Variants in ALG5 observed in about 807,000 individuals in gnomAD.
The protein encoded by ALG5 is dolichyl-phosphate beta-glucosyltransferase.
A neutral mutation model predicts 51.8 loss-of-function variants in ALG5; 26 were observed. The ratio of observed to expected loss-of-function variants is 0.50; its 90% CI spans 0.37 to 0.70. The LOEUF (loss-of-function observed/expected upper bound fraction) is 0.70, where lower values mean the gene tolerates loss of function less well. ALG5 is among the 30% of genes least tolerant of loss of function. ALG5 has a pLI of 0.00. For synonymous variants in ALG5, 141 were observed against 136.1 expected (o/e 1.04, Z -0.25); for missense variants, 311 against 399.3 (o/e 0.78, Z 1.88).
intron 8 of ALG5, among the ~76,000 whole-genome samples, chr13:36,962,865 A>T (rs1230726124): frequency 6.6e-6 from 1 of 152,186 alleles, no homozygotes; most frequent in Non-Finnish European, 1.5e-5. Context: ...AAAATAATGT[A>T]AAATAGTTCA....
chr13:36,978,934 G>GA (rs1305632532), intron 6 of ALG5, among the ~76,000 whole-genome samples: 13 of 146,728 alleles, frequency 8.9e-5, no homozygotes, highest in East Asian at 8.0e-4. Flanking sequence ...AAAAAAAAAG[G>GA]AAAAAAAAAG....
At chr13:36,989,714 C>G in intron 4 of ALG5, 138 bp from the exon 5 acceptor site, 1 of 619,168 alleles carries the variant, frequency 1.6e-6, no homozygotes, top group Admixed American at 2.9e-5. Flanking sequence ...ACTGTACATT[C>G]TGATGACCTG....
chr13:36,951,073 G>A (rs2058816059), intron 9 of ALG5, among the ~76,000 whole-genome samples: 1 of 152,084 alleles, frequency 6.6e-6, no homozygotes, highest in South Asian at 2.1e-4. Context: ...AGACATTATC[G>A]TTTATCAGGG....
intron 6 of ALG5, among the ~76,000 whole-genome samples, chr13:36,984,253 C>T (rs1481075792): frequency 6.6e-6 from 1 of 151,988 alleles, no homozygotes; most frequent in East Asian, 1.9e-4. Flanking sequence ...CATACACCAC[C>T]ACACCCTGTT....
intron 7 of ALG5, among the ~76,000 whole-genome samples, chr13:36,971,670 A>AAAAC (rs2058924173): frequency 6.6e-6 from 1 of 150,840 alleles, no homozygotes; most frequent in African/African-American, 2.4e-5. Flanking sequence ...AAAAAAAAAA[A>AAAAC]GCGTAATTTA....
intron 4 of ALG5, among the ~76,000 whole-genome samples, chr13:36,992,500 A>G (rs1370043008): frequency 1.3e-5 from 2 of 152,224 alleles, no homozygotes. Flanking sequence ...TTCAAGGAAT[A>G]TAACATTGTT....
chr13:36,999,118 A>T, intron 1 of ALG5, 117 bp downstream of exon 1: 1 of 907,910 alleles, frequency 1.1e-6, no homozygotes, highest in Non-Finnish European at 1.5e-6. Flanking sequence ...GGGGGAATCT[A>T]GGGGAAAAGG....
chr13:36,994,965 A>G, intron 3 of ALG5, 24 bp downstream of exon 3: 1 of 1,601,010 alleles, frequency 6.2e-7, no homozygotes, highest in Admixed American at 1.7e-5. Context: ...TGGAGATATC[A>G]TATTAAAAGA....
At chr13:36,966,285 T>C (rs951193735) in intron 7 of ALG5, among the ~76,000 whole-genome samples, 2 of 152,224 alleles carry the variant, frequency 1.3e-5, no homozygotes, top group Non-Finnish European at 1.5e-5. Flanking sequence ...ACATTTAAAA[T>C]ATTGAGTTCT....
intron 6 of ALG5, among the ~76,000 whole-genome samples, 161 bp from the exon 7 acceptor site, chr13:36,972,197 G>A (rs561770473): frequency 6.6e-6 from 1 of 152,190 alleles, no homozygotes; most frequent in South Asian, 2.1e-4. Flanking sequence ...GTACAACTTT[G>A]AGAAGCCTAA....
intron 7 of ALG5, among the ~76,000 whole-genome samples, chr13:36,966,292 T>A (rs1300094030): frequency 6.6e-6 from 1 of 152,186 alleles, no homozygotes; most frequent in Non-Finnish European, 1.5e-5. Flanking sequence ...AAATATTGAG[T>A]TCTTTAATAC....
At chr13:36,955,327 T>G (rs1415069920) in intron 8 of ALG5, among the ~76,000 whole-genome samples, 1 of 152,136 alleles carries the variant, frequency 6.6e-6, no homozygotes, top group African/African-American at 2.4e-5. Context: ...AGTGCCATAC[T>G]ATAGACATGT....
intron 6 of ALG5, among the ~76,000 whole-genome samples, chr13:36,976,119 A>T (rs2058949198): frequency 2.0e-5 from 3 of 151,998 alleles, no homozygotes; most frequent in African/African-American, 7.3e-5. Context: ...TGTTTTAGCT[A>T]TCCATATTTT....
intron 6 of ALG5, among the ~76,000 whole-genome samples, chr13:36,980,750 A>C (rs2138813299): frequency 6.6e-6 from 1 of 151,838 alleles, no homozygotes; most frequent in East Asian, 2.0e-4. Flanking sequence ...AGGCAGGCAG[A>C]TCACTTGAGG....
chr13:36,982,039 T>C (rs961763375), intron 6 of ALG5, among the ~76,000 whole-genome samples: 1 of 152,158 alleles, frequency 6.6e-6, no homozygotes, highest in African/African-American at 2.4e-5. Flanking sequence ...TGCAGTAAGC[T>C]GAGATTGCGC....
intron 8 of ALG5, among the ~76,000 whole-genome samples, chr13:36,954,881 A>C (rs1299492343): frequency 6.6e-6 from 1 of 152,192 alleles, no homozygotes. Context: ...CAAAATTAAC[A>C]CAACAATATG....
chr13:36,958,079 T>C (rs1187219855), intron 8 of ALG5, among the ~76,000 whole-genome samples: 1 of 152,150 alleles, frequency 6.6e-6, no homozygotes, highest in Non-Finnish European at 1.5e-5. Flanking sequence ...GATCTGTGCC[T>C]GCTCTTTAAG....
chr13:36,967,687 G>A (rs772613285), intron 7 of ALG5: 1 of 522,824 alleles, frequency 1.9e-6, no homozygotes, highest in South Asian at 1.6e-5. Flanking sequence ...TAAGTAGATA[G>A]GGCAGAAACC....
chr13:36,952,423 G>A (rs6563506), intron 9 of ALG5, 91 bp downstream of exon 9: 718,520 of 840,602 alleles, frequency 0.85, 309,136 homozygotes, highest in East Asian at 1. Context: ...GGCTTGATGA[G>A]GGGAGCAAGG....
Sources: allele counts gnomAD v4.1 joint callset (sites outside exome capture counted in the v4.1 genomes callset), GRCh38; gene constraint gnomAD v4.1.1; transcripts MANE v1.5; gene names NCBI Gene and HGNC (gene_info 2026-07-23, HGNC 2026-07-21).